Variants in TTLL5 observed in about 807,000 individuals in gnomAD.
TTLL5 encodes the protein tubulin polyglutamylase TTLL5.
In TTLL5, 132 loss-of-function variants were observed where a neutral mutation model predicts 168.4. The ratio of observed to expected loss-of-function variants is 0.78; its 90% CI spans 0.68 to 0.91. TTLL5 has a LOEUF of 0.91. Ranked by LOEUF, TTLL5 falls within the 40% of genes least tolerant of loss-of-function variation. The pLI, the probability that TTLL5 is intolerant of heterozygous loss-of-function variation, is 0.00. For missense variants in TTLL5, 1,545 were observed against 1,581.5 expected (o/e 0.98, Z 0.39); for synonymous variants, 546 against 558.6 (o/e 0.98, Z 0.32).
chr14:75,804,639 A>T (rs1490450762), intron 27 of TTLL5, among the ~76,000 whole-genome samples: 1 of 152,178 alleles, frequency 6.6e-6, no homozygotes. Context: ...TAGTAGAAAA[A>T]GTTGTTGTTC....
At chr14:75,750,574 C>T (rs878924163) in intron 17 of TTLL5, among the ~76,000 whole-genome samples, 5 of 151,452 alleles carry the variant, frequency 3.3e-5, no homozygotes, top group South Asian at 2.1e-4. Flanking sequence ...ATGCAAAATA[C>T]GTGTTAATCC....
intron 9 of TTLL5, chr14:75,709,984 C>CTTTTTTTTTTTTT (rs1566823181): frequency 2.6e-5 from 4 of 152,070 alleles, no homozygotes; most frequent in African/African-American, 9.7e-5. Context: ...AGCTTTCTCT[C>CTTTTTTTTTTTTT]TTTTGTGTTA....
intron 17 of TTLL5, among the ~76,000 whole-genome samples, chr14:75,746,706 G>A (rs1011336389): frequency 6.6e-6 from 1 of 151,894 alleles, no homozygotes; most frequent in African/African-American, 2.4e-5. Flanking sequence ...AGGACTACAG[G>A]TACATGCCAC....
chr14:75,778,712 G>T (rs887516564), intron 23 of TTLL5, among the ~76,000 whole-genome samples: 1 of 152,138 alleles, frequency 6.6e-6, no homozygotes, highest in Admixed American at 6.5e-5. Context: ...AAAAAGAAAA[G>T]AAAAAGGCCA....
At chr14:75,849,874 G>A (rs1395945489) in intron 28 of TTLL5, among the ~76,000 whole-genome samples, 1 of 152,154 alleles carries the variant, frequency 6.6e-6, no homozygotes, top group Non-Finnish European at 1.5e-5. Context: ...GCTGAAGCAG[G>A]TGGATTGCTT....
chr14:75,851,144 C>T, intron 28 of TTLL5, among the ~76,000 whole-genome samples: 1 of 143,804 alleles, frequency 7.0e-6, no homozygotes, highest in Non-Finnish European at 1.5e-5. Flanking sequence ...CTGCCAAAAG[C>T]ACATATTATC....
intron 30 of TTLL5, among the ~76,000 whole-genome samples, chr14:75,891,693 A>C (rs892724325): frequency 6.6e-6 from 1 of 152,216 alleles, no homozygotes; most frequent in Non-Finnish European, 1.5e-5. Flanking sequence ...CATATGCATC[A>C]AAGATCAGTA....
intron 15 of TTLL5, among the ~76,000 whole-genome samples, chr14:75,740,310 A>AT (rs993629493): frequency 2.6e-5 from 4 of 151,950 alleles, no homozygotes; most frequent in African/African-American, 9.7e-5. Flanking sequence ...GTTATTAGGG[A>AT]TTTTTTCCTT....
rs529416044 is a variant in TTLL5 at position 75,786,680 on chromosome 14, T to TTAAA, written c.2986+3153_2986+3156dup. Among the ~76,000 whole-genome samples, 55 of 152,236 alleles carry TTAAA rather than the reference T, an allele frequency of 3.6e-4. No individual in the cohort carries two copies. In the South Asian group the frequency reaches 0.011, roughly 32 times the overall value. The stretch of plus-strand genomic sequence containing the variant: ...ATTTAACTCTATAGACTTTTTAAAG[T>TTAAA]TAAATATACAGCATCAAATTTCAAA... On this transcript the variant is annotated intron_variant, in intron 26 of 31. Coordinates refer to ENST00000298832, the MANE Select transcript of TTLL5 (RefSeq NM_015072.5).
chr14:75,814,450 A>G (rs1056451338), intron 27 of TTLL5: 2 of 152,226 alleles, frequency 1.3e-5, no homozygotes, highest in African/African-American at 2.4e-5. Flanking sequence ...AACGTCTATA[A>G]TCATCATCTT....
chr14:75,929,476 G>T (rs1156232450), intron 31 of TTLL5, among the ~76,000 whole-genome samples: 3 of 125,704 alleles, frequency 2.4e-5, no homozygotes, highest in African/African-American at 9.6e-5. Context: ...GGTGGGGATG[G>T]AGTCTCGCTC....
chr14:75,893,056 G>GA (rs1307617258), intron 30 of TTLL5, among the ~76,000 whole-genome samples: 1 of 152,062 alleles, frequency 6.6e-6, no homozygotes, highest in Non-Finnish European at 1.5e-5. Context: ...AGATTGCCAG[G>GA]AAAATCAAGA....
chr14:75,783,614 C>CT, intron 26 of TTLL5, 84 bp downstream of exon 26: 4 of 1,519,682 alleles, frequency 2.6e-6, no homozygotes, highest in African/African-American at 1.4e-5. Flanking sequence ...TTCCCTTTGC[C>CT]TTTTTTTAAA....
At chr14:75,840,405 C>T (rs140161081) in intron 28 of TTLL5, among the ~76,000 whole-genome samples, 2,454 of 152,108 alleles carry the variant, frequency 0.016, 31 homozygotes, top group Middle Eastern at 0.027. Flanking sequence ...TGCCCCCCAC[C>T]CCCTGACAGG....
At chr14:75,908,046 T>C (rs2033216840) in intron 31 of TTLL5, among the ~76,000 whole-genome samples, 1 of 152,214 alleles carries the variant, frequency 6.6e-6, no homozygotes, top group African/African-American at 2.4e-5. Context: ...AATGGGACCA[T>C]CAGCAAAAGA....
chr14:75,902,018 A>T, intron 30 of TTLL5, 124 bp from the exon 31 acceptor site: 1 of 770,742 alleles, frequency 1.3e-6, no homozygotes. Context: ...CAAAGCCTTG[A>T]AGGAAGTGAG....
In TTLL5 at chr14:75,691,913, T is replaced by A. The variant is rs1885491395; in HGVS notation, c.502+1591T>A. 2.6e-5 allele frequency among the ~76,000 whole-genome samples: 4 copies of A among 152,248 alleles called. No individual in the cohort carries two copies. In the South Asian group the frequency reaches 8.3e-4, roughly 31 times the overall value. On this transcript the variant is annotated intron_variant, in intron 6 of 31. Coordinates refer to ENST00000298832, the MANE Select transcript of TTLL5 (RefSeq NM_015072.5). ...AGACCAGCAGTTCATCAGGAATGCC[T>A]GCTTCACCATTTATCTAATAGCGTT...
intron 29 of TTLL5, among the ~76,000 whole-genome samples, chr14:75,865,830 G>T (rs2030470864): frequency 6.6e-6 from 1 of 152,164 alleles, no homozygotes; most frequent in Non-Finnish European, 1.5e-5. Flanking sequence ...ATGTTTTTTA[G>T]AATCTGTCAG....
intron 27 of TTLL5, among the ~76,000 whole-genome samples, chr14:75,811,320 A>G (rs1894008758): frequency 2.0e-5 from 3 of 151,916 alleles, no homozygotes; most frequent in African/African-American, 7.2e-5. Flanking sequence ...TCTGACATTC[A>G]AGGGCCTCCC....
Sources: allele counts gnomAD v4.1 joint callset (sites outside exome capture counted in the v4.1 genomes callset), GRCh38; gene constraint gnomAD v4.1.1; transcripts MANE v1.5; gene names NCBI Gene and HGNC (gene_info 2026-07-23, HGNC 2026-07-21).